Variants in PHACTR1 observed in about 807,000 individuals in gnomAD.
The protein encoded by PHACTR1 is phosphatase and actin regulator 1, also known as RPEL repeat containing 1.
Under a neutral mutation model 69.2 loss-of-function variants are expected in PHACTR1, and 16 were observed. The observed-to-expected ratio is 0.23, with a 90% confidence interval of 0.16 to 0.35. PHACTR1 has a LOEUF of 0.35. PHACTR1 is among the 10% of genes least tolerant of loss of function. PHACTR1 has a pLI of 1.00. For synonymous variants in PHACTR1, 312 were observed against 284.5 expected, an observed-to-expected ratio of 1.10 and a Z score of -0.97; for missense variants, 510 against 734.7, an observed-to-expected ratio of 0.69 and a Z score of 3.54.
At chr6:13,278,472 A>G (rs1779428056) in intron 12 of PHACTR1, 143 bp downstream of exon 12, 3 of 672,044 alleles carry the variant, frequency 4.5e-6, no homozygotes, top group Non-Finnish European at 7.7e-6. Context: ...TTACTCTATA[A>G]GACCTCTCCA....
At chr6:13,207,557 A>G (rs961787026) in intron 8 of PHACTR1, among the ~76,000 whole-genome samples, 1 of 152,052 alleles carries the variant, frequency 6.6e-6, no homozygotes, top group Non-Finnish European at 1.5e-5. Flanking sequence ...CTGGTTCTCA[A>G]TTACTCTTGA....
rs141019958 is a variant in PHACTR1 at position 13,286,108 on chromosome 6, T to C, written c.1651-38T>C. ...TGAAAGGGGAGTTTTTTTCTGTCTC[T>C]CTCCCATTGCACATTGATGGGCTTC... is the stretch of plus-strand genomic sequence containing the variant. On this transcript the variant is annotated intron_variant, in intron 13 of 14. Coordinates refer to ENST00000332995, the MANE Select transcript of PHACTR1 (RefSeq NM_030948.6). The C allele has an allele frequency of 1.4e-5, 22 of 1,544,900 alleles. No homozygotes were observed. The African/African-American group carries it at 2.6e-4, about 18-fold the overall frequency.
chr6:13,053,021 C>A (rs748910512), intron 4 of PHACTR1, among the ~76,000 whole-genome samples: 13 of 152,184 alleles, frequency 8.5e-5, no homozygotes, highest in Non-Finnish European at 1.9e-4. Flanking sequence ...ATTGCCGGAC[C>A]AGTAGTTACA....
chr6:13,240,423 T>A (rs562247447), intron 10 of PHACTR1, among the ~76,000 whole-genome samples: 1 of 151,774 alleles, frequency 6.6e-6, no homozygotes, highest in African/African-American at 2.4e-5. Context: ...TTGTGGGTTT[T>A]TTTTTGTTGT....
rs139117562 is a variant in PHACTR1 at position 13,247,588 on chromosome 6, C to T, written c.1391+17395C>T. Among the ~76,000 whole-genome samples the T allele has an allele frequency of 7.6e-3, 1,153 of 152,168 alleles. 15 individuals are homozygous for T. Among genetic ancestry groups the T allele is most frequent in the African/African-American group, 0.025 (1,044 of 41,506 alleles). ...CTCGAACTCCTGACCTCAGGTGATC[C>T]GCCCGCCTTGGCCTCCCAAAGTGCT... is the stretch of plus-strand genomic sequence containing the variant. On this transcript the variant is annotated intron_variant, in intron 10 of 14. Coordinates refer to ENST00000332995, the MANE Select transcript of PHACTR1 (RefSeq NM_030948.6).
chr6:13,188,686 T>TA (rs1763118801), intron 7 of PHACTR1, among the ~76,000 whole-genome samples: 1 of 152,242 alleles, frequency 6.6e-6, no homozygotes, highest in South Asian at 2.1e-4. Flanking sequence ...GTATTTGTCT[T>TA]ACAAATTTCT....
chr6:13,053,293 G>A, intron 4 of PHACTR1, 72 bp from the exon 5 acceptor site: 1 of 1,410,922 alleles, frequency 7.1e-7, no homozygotes, highest in South Asian at 1.4e-5. Context: ...GAAAACGTTG[G>A]CCATCTGTGA....
At chr6:12,769,571 G>A (rs891804545) in intron 4 of PHACTR1, among the ~76,000 whole-genome samples, 2 of 152,176 alleles carry the variant, frequency 1.3e-5, no homozygotes, top group African/African-American at 4.8e-5. Context: ...TATTGTAATA[G>A]CATCTATTTC....
At chr6:13,120,644 C>A (rs570896656) in intron 5 of PHACTR1, among the ~76,000 whole-genome samples, 11 of 152,266 alleles carry the variant, frequency 7.2e-5, no homozygotes, top group Non-Finnish European at 7.4e-5. Flanking sequence ...CTGTTAGGCT[C>A]ATCTCTTTTA....
intron 5 of PHACTR1, among the ~76,000 whole-genome samples, chr6:13,056,330 T>A (rs1806776829): frequency 6.6e-6 from 1 of 152,064 alleles, no homozygotes; most frequent in Non-Finnish European, 1.5e-5. Context: ...AACCCAGGAG[T>A]TTAAGACTTC....
At chr6:13,064,444 C>T (rs1201146546) in intron 5 of PHACTR1, among the ~76,000 whole-genome samples, 3 of 150,038 alleles carry the variant, frequency 2.0e-5, no homozygotes, top group Non-Finnish European at 4.4e-5. Flanking sequence ...CTTTATCCCA[C>T]GTAAATGGCA....
At chr6:13,220,858 TC>T (rs1434100821) in intron 8 of PHACTR1, among the ~76,000 whole-genome samples, 1 of 152,188 alleles carries the variant, frequency 6.6e-6, no homozygotes, top group Non-Finnish European at 1.5e-5. Context: ...AACTTATCCA[TC>T]AGTTCCAAAC....
chr6:12,933,551 G>T (rs768689250), intron 4 of PHACTR1: 33 of 1,571,786 alleles, frequency 2.1e-5, no homozygotes, highest in Non-Finnish European at 2.8e-5. Flanking sequence ...AATGGATCTC[G>T]CCAGGGTGAT....
chr6:13,039,202 T>C (rs1803801789), intron 4 of PHACTR1, among the ~76,000 whole-genome samples: 2 of 152,208 alleles, frequency 1.3e-5, no homozygotes, highest in South Asian at 4.1e-4. Context: ...ACCTTTCTTA[T>C]TGGTTTGTTG....
chr6:12,724,412 C>T (rs1762526441), intron 3 of PHACTR1, among the ~76,000 whole-genome samples: 1 of 152,136 alleles, frequency 6.6e-6, no homozygotes, highest in South Asian at 2.1e-4. Flanking sequence ...ATCTGTTAAC[C>T]CTCAAAGGAA....
chr6:12,878,894 C>A (rs748579744), intron 4 of PHACTR1, among the ~76,000 whole-genome samples: 14 of 152,000 alleles, frequency 9.2e-5, no homozygotes, highest in Non-Finnish European at 1.8e-4. Context: ...TTAGGTGCAC[C>A]CTTTTCAGTG....
intron 4 of PHACTR1, among the ~76,000 whole-genome samples, chr6:12,842,194 A>G (rs1206917626): frequency 6.6e-6 from 1 of 152,246 alleles, no homozygotes; most frequent in African/African-American, 2.4e-5. Flanking sequence ...CTATTGAAAC[A>G]TTTCTGAAAA....
In PHACTR1 at chr6:12,995,530, T is replaced by C. The variant is rs140950085; in HGVS notation, c.251-57835T>C. On this transcript the variant is annotated intron_variant, in intron 4 of 14. Coordinates refer to ENST00000332995, the MANE Select transcript of PHACTR1 (RefSeq NM_030948.6). ...AAAATAGATTTTAAAGCTAACAACA[T>C]TATTAAAGATAAGGAAAATTGTTAC... Among the ~76,000 whole-genome samples the C allele has an allele frequency of 4.6e-5, 7 of 152,096 alleles. No individual in the cohort carries two copies. The East Asian group carries it at 1.4e-3, about 29-fold the overall frequency.
intron 4 of PHACTR1, among the ~76,000 whole-genome samples, chr6:12,800,052 A>G (rs1357389876): frequency 6.6e-6 from 1 of 152,216 alleles, no homozygotes; most frequent in Non-Finnish European, 1.5e-5. Flanking sequence ...AAATCCAAAT[A>G]AATAAATGAC....
Sources: gnomAD v4.1 joint callset for allele counts (sites outside exome capture counted in the v4.1 genomes callset) on GRCh38, gnomAD v4.1.1 for gene constraint, MANE v1.5 for transcripts, NCBI Gene and HGNC (gene_info 2026-07-23, HGNC 2026-07-21) for gene names.